The following FBXO22 variants were observed in gnomAD, a reference collection of about 807,000 sequenced individuals.
FBXO22 encodes the protein F-box protein 22, also known as F-box only protein 22.
A neutral mutation model predicts 37.2 loss-of-function variants in FBXO22; 13 were observed. The ratio of observed to expected loss-of-function variants is 0.35; its 90% CI spans 0.23 to 0.56. FBXO22 has a LOEUF of 0.56. Among genes scored for constraint, FBXO22 ranks in the 20% least tolerant of loss-of-function variants. FBXO22 has a pLI of 0.87. For synonymous variants in FBXO22, 189 were observed against 189.1 expected (o/e 1.00, Z 0.00); for missense variants, 446 against 509.9 (o/e 0.87, Z 1.21).
rs1248035006 is a variant in FBXO22 at position 75,939,011 on chromosome 15, AGACCT to A, written c.*5910_*5914del. 6.6e-6 allele frequency: 1 copy of A among 152,224 alleles called. No individual in the cohort carries two copies. The allele number at this position is 152,224 out of a possible 1,614,324, so 9.4% of individuals were successfully genotyped here. ...AAATGCTTACATTAAAAAACAAAAA[AGACCT>A]CATGTCAACAACCTGACTTTGCAGC... On this transcript the variant is annotated 3_prime_UTR_variant, in exon 7 of 7. Transcript: ENST00000308275.
At chr15:75,906,851 T>C (rs80197160) in intron 2 of FBXO22, among the ~76,000 whole-genome samples, 2,429 of 152,288 alleles carry the variant, frequency 0.016, 62 homozygotes, top group African/African-American at 0.055. Context: ...TAATAAGGGA[T>C]ACTAAAAACC....
intron 2 of FBXO22, among the ~76,000 whole-genome samples, chr15:75,910,825 T>C (rs566592248): frequency 2.0e-5 from 3 of 152,372 alleles, no homozygotes; most frequent in Admixed American, 2.0e-4. Flanking sequence ...GTTTTAGTCA[T>C]GAAGTCTTTG....
At chr15:75,906,118 C>G (rs1177922854) in intron 2 of FBXO22, among the ~76,000 whole-genome samples, 1 of 152,112 alleles carries the variant, frequency 6.6e-6, no homozygotes, top group Non-Finnish European at 1.5e-5. Flanking sequence ...AGTAGGAGCT[C>G]CTTCAGGCTG....
chr15:75,910,048 A>T (rs940998854), intron 2 of FBXO22, among the ~76,000 whole-genome samples: 3 of 152,180 alleles, frequency 2.0e-5, no homozygotes, highest in African/African-American at 7.2e-5. Flanking sequence ...TAGTTTGCTG[A>T]AAATGATGGT....
In FBXO22 at chr15:75,903,943, G is replaced by T; in HGVS notation, c.-21G>T. ...GTTCCTCCGAGCCGCCGTAGGACTG[G>T]TTCCGGCGGGCTGGTGAGGAATGGA... On this transcript the variant is annotated 5_prime_UTR_variant, in exon 1 of 7. Transcript: ENST00000308275. The T allele has an allele frequency of 1.3e-6, 2 of 1,529,568 alleles. No individual in the cohort carries two copies. Among genetic ancestry groups the T allele is most frequent in the Non-Finnish European group, 1.8e-6 (2 of 1,133,830 alleles). 94.7% of individuals were successfully genotyped at this position (1,529,568 alleles called of 1,614,324 possible). A position where few individuals can be genotyped will look rare whatever the true frequency, so the allele number is the denominator to read the frequency against.
chr15:75,919,974 G>A (rs538568286), intron 5 of FBXO22, among the ~76,000 whole-genome samples: 8 of 152,350 alleles, frequency 5.3e-5, no homozygotes, highest in African/African-American at 1.7e-4. Flanking sequence ...TTTAATGGCA[G>A]TAGAGAGTTA....
Position 75,933,003 on chromosome 15 carries a change from G to A in FBXO22, c.1113G>A (p.Gly371=). 2 of 1,614,154 alleles carry A rather than the reference G, an allele frequency of 1.2e-6. No homozygotes were observed. Among genetic ancestry groups the A allele is most frequent in the African/African-American group, 1.3e-5 (1 of 75,030 alleles). The part of the protein sequence containing the change: ...GEIGCDRIVT[G]NFILRKCNEV... ...TTGGATGTGATCGGATAGTCACTGG[G>A]AACTTTATATTGAGGAAATGTAATG... The change falls in exon 7 of 7, where the codon GGG becomes GGA. Residue 371 remains glycine, a synonymous_variant. Transcript: ENST00000308275.
chr15:75,913,695 G>A (rs1360359848), intron 3 of FBXO22, among the ~76,000 whole-genome samples: 2 of 152,182 alleles, frequency 1.3e-5, no homozygotes, highest in African/African-American at 2.4e-5. Context: ...GGGTATCCAA[G>A]ATGCGCACAC....
intron 2 of FBXO22, among the ~76,000 whole-genome samples, chr15:75,907,615 G>A (rs566304143): frequency 7.2e-5 from 11 of 152,132 alleles, no homozygotes; most frequent in East Asian, 1.9e-4. Context: ...TTTAAAGTCC[G>A]CCAGGCATGG....
At chr15:75,907,943 CA>C (rs916028160) in intron 2 of FBXO22, among the ~76,000 whole-genome samples, 69 of 143,406 alleles carry the variant, frequency 4.8e-4, no homozygotes, top group Admixed American at 7.6e-4. Flanking sequence ...GACTGTGTCT[CA>C]AAAAAAAAAA....
chr15:75,914,063 G>T (rs1265073366), intron 3 of FBXO22, 47 bp from the exon 4 acceptor site: 1 of 1,365,760 alleles, frequency 7.3e-7, no homozygotes, highest in South Asian at 1.2e-5. Context: ...TCTCAGATTT[G>T]ACTTTAAATG....
At chr15:75,926,033 A>G (rs1900432944) in intron 5 of FBXO22, among the ~76,000 whole-genome samples, 1 of 152,234 alleles carries the variant, frequency 6.6e-6, no homozygotes, top group African/African-American at 2.4e-5. Context: ...ACCTAAGGTT[A>G]CATTTTGTAA....
intron 6 of FBXO22, among the ~76,000 whole-genome samples, chr15:75,931,625 C>T (rs1472573616): frequency 2.6e-5 from 4 of 152,220 alleles, no homozygotes; most frequent in Non-Finnish European, 5.9e-5. Context: ...AATCCAGTGA[C>T]TCTTGCCCAT....
chr15:75,937,196 T>C lies in FBXO22; in HGVS notation c.*4094T>C, dbSNP rs1482105016. On this transcript the variant is annotated 3_prime_UTR_variant, in exon 7 of 7. Transcript: ENST00000308275. ...TGGACTAGGAAGCTGCAAGCTTTTG[T>C]TTGCCTATCAAAACATTAAAAAAAA... The C allele has an allele frequency of 6.6e-6, 1 of 151,392 alleles. No individual in the cohort carries two copies. Among genetic ancestry groups the C allele is most frequent in the African/African-American group, 2.4e-5 (1 of 41,160 alleles). The allele number at this position is 151,392 out of a possible 1,614,324, so 9.4% of individuals were successfully genotyped here.
chr15:75,929,218 A>G (rs1039610497), intron 5 of FBXO22, among the ~76,000 whole-genome samples: 15 of 152,012 alleles, frequency 9.9e-5, no homozygotes, highest in African/African-American at 3.6e-4. Context: ...TTTCATTATG[A>G]GGACACTGTC....
At chr15:75,922,124 G>A (rs1477220939) in intron 5 of FBXO22, among the ~76,000 whole-genome samples, 1 of 152,118 alleles carries the variant, frequency 6.6e-6, no homozygotes, top group Non-Finnish European at 1.5e-5. Flanking sequence ...GATTGTATGT[G>A]CTATACTTTT....
In FBXO22 at chr15:75,933,587, C is replaced by A. The variant is rs1285409715; in HGVS notation, c.*485C>A. 6.2e-6 allele frequency: 1 copy of A among 161,100 alleles called. No homozygotes were observed. Among genetic ancestry groups the A allele is most frequent in the Non-Finnish European group, 1.4e-5 (1 of 73,556 alleles). 10.0% of individuals were successfully genotyped at this position (161,100 alleles called of 1,614,324 possible). On this transcript the variant is annotated 3_prime_UTR_variant, in exon 7 of 7. Coordinates refer to ENST00000308275, the MANE Select transcript of FBXO22 (RefSeq NM_147188.3). ...TGCCTTTCAGTTTTATGAATTTTTTCAGAAGTAACAATATTATTATTGACT... is the reference window on the plus strand; with the variant it reads ...TGCCTTTCAGTTTTATGAATTTTTTAAGAAGTAACAATATTATTATTGACT...
In FBXO22 at chr15:75,936,103, T is replaced by C. The variant is rs577927007; in HGVS notation, c.*3001T>C. Reference sequence around the variant, plus strand: ...CGCCCAGCCACAAATCTGAGAACTTTCTATGCAATCTGCAGAAATTTTTAA... The same window carrying C: ...CGCCCAGCCACAAATCTGAGAACTTCCTATGCAATCTGCAGAAATTTTTAA... On this transcript the variant is annotated 3_prime_UTR_variant, in exon 7 of 7. Coordinates refer to ENST00000308275, the MANE Select transcript of FBXO22 (RefSeq NM_147188.3). 1 of 152,306 alleles carries C rather than the reference T, an allele frequency of 6.6e-6. No individual in the cohort carries two copies. Among genetic ancestry groups the C allele is most frequent in the South Asian group, 2.1e-4 (1 of 4,828 alleles). 9.4% of individuals were successfully genotyped at this position (152,306 alleles called of 1,614,324 possible). A position where few individuals can be genotyped will look rare whatever the true frequency, so the allele number is the denominator to read the frequency against.
intron 2 of FBXO22, chr15:75,910,471 G>A (rs1390749715): frequency 6.6e-6 from 1 of 152,202 alleles, no homozygotes; most frequent in African/African-American, 2.4e-5. Flanking sequence ...TAACTGGCAT[G>A]AGATGGTATC....
Sources: allele counts gnomAD v4.1 joint callset (sites outside exome capture counted in the v4.1 genomes callset), GRCh38; gene constraint gnomAD v4.1.1; transcripts MANE v1.5; gene names NCBI Gene and HGNC (gene_info 2026-07-23, HGNC 2026-07-21).